The following EDEM1 variants were observed in gnomAD, a reference collection of about 807,000 sequenced individuals.
EDEM1 encodes ER degradation enhancing alpha-mannosidase like protein 1, also known as ER degradation-enhancing alpha-mannosidase-like protein 1.
A neutral mutation model predicts 74.4 loss-of-function variants in EDEM1; 67 were observed. The ratio of observed to expected loss-of-function variants is 0.90; its 90% CI spans 0.74 to 1.10. EDEM1 has a LOEUF of 1.10. Ranked by LOEUF, EDEM1 falls within the 50% of genes least tolerant of loss-of-function variation. EDEM1 has a pLI of 0.00. For synonymous variants in EDEM1, 382 were observed against 335.9 expected (o/e 1.14, Z -1.50); for missense variants, 926 against 851.6 (o/e 1.09, Z -1.09).
chr3:5,198,302 G>T (rs1439649083), intron 2 of EDEM1, among the ~76,000 whole-genome samples: 2 of 152,178 alleles, frequency 1.3e-5, no homozygotes, highest in Non-Finnish European at 2.9e-5. Flanking sequence ...GCTCGCTTTG[G>T]CCTCCCTAAG....
intron 4 of EDEM1, among the ~76,000 whole-genome samples, chr3:5,202,347 C>G (rs1449271058): frequency 6.6e-6 from 1 of 152,200 alleles, no homozygotes; most frequent in African/African-American, 2.4e-5. Flanking sequence ...TCACGTGGAT[C>G]TTTCAAATAA....
intron 1 of EDEM1, among the ~76,000 whole-genome samples, chr3:5,190,343 T>G (rs1022952960): frequency 6.6e-6 from 1 of 152,264 alleles, no homozygotes; most frequent in African/African-American, 2.4e-5. Context: ...TGGACTGAAG[T>G]TGAAAACAGT....
intron 3 of EDEM1, 35 bp downstream of exon 3, chr3:5,199,730 ACTT>A (rs910852484): frequency 1.3e-6 from 2 of 1,559,788 alleles, no homozygotes; most frequent in Non-Finnish European, 1.7e-6. Context: ...TGAATTGGAG[ACTT>A]CTTTTTATGT....
chr3:5,208,352 A>C, intron 8 of EDEM1, 89 bp downstream of exon 8: 1 of 1,484,142 alleles, frequency 6.7e-7, no homozygotes, highest in Non-Finnish European at 9.1e-7. Context: ...TGAGTGATTT[A>C]GGGTTATGTT....
In EDEM1 at chr3:5,203,050, A is replaced by G; in HGVS notation, c.943A>G (p.Ile315Val). Residue 315 changes from isoleucine (I) to valine (V), a missense_variant, in exon 5 of 12, where the codon ATT becomes GTT. By Grantham distance (29) the Ile-to-Val change is conservative. Coordinates refer to ENST00000256497, the MANE Select transcript of EDEM1 (RefSeq NM_014674.3). ...GAGSLLVEFG[I>V]LSRLLGDSTF... ...CGGTTCCCTCCTGGTGGAATTTGGG[A>G]TTCTGAGTCGACTCCTGGGGGACTC... 1 of 1,613,956 alleles carries G rather than the reference A, an allele frequency of 6.2e-7. No homozygotes were observed. Among genetic ancestry groups the G allele is most frequent in the Non-Finnish European group, 8.5e-7 (1 of 1,179,938 alleles).
intron 10 of EDEM1, 49 bp from the exon 11 acceptor site, chr3:5,213,270 C>T: frequency 6.4e-7 from 1 of 1,556,406 alleles, no homozygotes; most frequent in Non-Finnish European, 8.8e-7. Context: ...TGATTCAGTT[C>T]CCAGTGTGCT....
In EDEM1 at chr3:5,198,662, CTTTTTTTTTTTTT is replaced by C. The variant is rs57260414; in HGVS notation, c.583-920_583-908del. Reference sequence around the variant, plus strand: ...GGTAAATTGTAAGGGACGTATATAGCTTTTTTTTTTTTTTTTTTTTTTGAATCTTTGTAGCTAT... The same window carrying C: ...GGTAAATTGTAAGGGACGTATATAGCTTTTTTTTTGAATCTTTGTAGCTAT... On this transcript the variant is annotated intron_variant, in intron 2 of 11. Transcript: ENST00000256497. Among the ~76,000 whole-genome samples, 3 of 75,160 alleles carry C rather than the reference CTTTTTTTTTTTTT, an allele frequency of 4.0e-5. 1 individual carries two copies. Among genetic ancestry groups the C allele is most frequent in the East Asian group, 8.8e-4 (2 of 2,262 alleles). The allele number at this position is 75,160 out of a possible 152,430, so 49.3% of individuals were successfully genotyped here.
Position 5,216,140 on chromosome 3 carries a change from G to A in EDEM1, c.*222G>A, listed in dbSNP as rs1341504965. Reference sequence around the variant, plus strand: ...TTAAGGATATAATTTGAAGTGAGAAGATACATGGAAATTGCCCTCTTATGA... The same window carrying A: ...TTAAGGATATAATTTGAAGTGAGAAAATACATGGAAATTGCCCTCTTATGA... On this transcript the variant is annotated 3_prime_UTR_variant, in exon 12 of 12. Transcript: ENST00000256497. 1.9e-6 allele frequency: 1 copy of A among 527,878 alleles called. No homozygotes were observed. The highest frequency in any genetic ancestry group is 2.0e-5 in the African/African-American group (1 of 50,566). The allele number at this position is 527,878 out of a possible 1,614,324, so 32.7% of individuals were successfully genotyped here.
At chr3:5,211,792 G>C (rs962696305) in intron 10 of EDEM1, among the ~76,000 whole-genome samples, 1 of 152,170 alleles carries the variant, frequency 6.6e-6, no homozygotes, top group South Asian at 2.1e-4. Context: ...CAGAGGTCAG[G>C]CGACTTGCTC....
At position 5,188,144 on chromosome 3, in the gene EDEM1, G is replaced by C. The variant is rs757211208; in HGVS notation, c.339G>C (p.Glu113Asp). 10 of 1,536,668 alleles carry C rather than the reference G, an allele frequency of 6.5e-6. No homozygotes were observed. The highest frequency in any genetic ancestry group is 8.8e-6 in the Non-Finnish European group (10 of 1,141,804). The change falls in exon 1 of 12, where the codon GAG becomes GAC. Residue 113 changes from glutamate to aspartate, a missense_variant. Glu to Asp is a conservative substitution (Grantham distance 45). Transcript: ENST00000256497. ...GCGGCCGGGGCCGCGGCCCGGACGA[G>C]TACGAGAAGCGCTACAGCGGCGCCT... ...VLGGRGRGPD[E>D]YEKRYSGAFP...
In EDEM1 at chr3:5,217,456, T is replaced by G. The variant is rs2055253434; in HGVS notation, c.*1538T>G. On this transcript the variant is annotated 3_prime_UTR_variant, in exon 12 of 12. Coordinates refer to ENST00000256497, the MANE Select transcript of EDEM1 (RefSeq NM_014674.3). ...GATTTCATGTACATCTTTTCAAAGC[T>G]AGAAATAAGCACTGTCTAAGTTTAT... is the stretch of plus-strand genomic sequence containing the variant. The G allele has an allele frequency of 6.5e-6, 1 of 152,760 alleles. No homozygotes were observed. The highest frequency in any genetic ancestry group is 2.1e-4 in the South Asian group (1 of 4,828). The allele number at this position is 152,760 out of a possible 1,614,324, so 9.5% of individuals were successfully genotyped here. A position where few individuals can be genotyped will look rare whatever the true frequency, so the allele number is the denominator to read the frequency against.
In EDEM1 at chr3:5,214,869, G is replaced by A. The variant is rs1232210421; in HGVS notation, c.1885-960G>A. Among the ~76,000 whole-genome samples, 3 of 152,306 alleles carry A rather than the reference G, an allele frequency of 2.0e-5. No individual in the cohort carries two copies. The East Asian group carries it at 5.8e-4, about 29-fold the overall frequency. Reference sequence around the variant, plus strand: ...GGCTCCCGGTTCTGGATAGGAGCATGGCCTAGTGGGGAATCCACTTCCATC... The same window carrying A: ...GGCTCCCGGTTCTGGATAGGAGCATAGCCTAGTGGGGAATCCACTTCCATC... On this transcript the variant is annotated intron_variant, in intron 11 of 11. Transcript: ENST00000256497.
chr3:5,210,143 T>C, intron 8 of EDEM1, 32 bp from the exon 9 acceptor site: 1 of 1,592,676 alleles, frequency 6.3e-7, no homozygotes, highest in Non-Finnish European at 8.6e-7. Flanking sequence ...TCCAAGCCCA[T>C]GCTGGATCAC....
chr3:5,188,083 G>A lies in EDEM1; in HGVS notation c.278G>A (p.Gly93Glu), dbSNP rs1430007185. 2 of 1,491,098 alleles carry A rather than the reference G, an allele frequency of 1.3e-6. No individual in the cohort carries two copies. The highest frequency in any genetic ancestry group is 1.5e-5 in the African/African-American group (1 of 68,364). 92.4% of individuals were successfully genotyped at this position (1,491,098 alleles called of 1,614,324 possible). ...AAGGCTCCGCGGCGTCCTGGGCCGG[G>A]GATGTGCGGCCCAGCCAACTGGGGC... The part of the protein sequence containing the change: ...PRKAPRRPGP[G>E]MCGPANWGYV... Residue 93 changes from glycine (G) to glutamate (E), a missense_variant, in exon 1 of 12, where the codon GGG becomes GAG. Transcript: ENST00000256497.
chr3:5,214,448 A>C lies in EDEM1; in HGVS notation c.1884+926A>C, dbSNP rs146275486. Among the ~76,000 whole-genome samples, 410 of 151,916 alleles carry C rather than the reference A, an allele frequency of 2.7e-3. 2 individuals carry two copies. Among genetic ancestry groups the C allele is most frequent in the African/African-American group, 9.6e-3 (396 of 41,396 alleles). On this transcript the variant is annotated intron_variant, in intron 11 of 11. Transcript: ENST00000256497. ...TAAATCGATAGGCCAGAGTGTAGAT[A>C]ACCACCCCCGCCCCCATTTCCATCA...
chr3:5,207,171 A>G lies in EDEM1; in HGVS notation c.1236A>G (p.Glu412=), dbSNP rs143679975. ...YLRRGREACN[E]GEGDPPLYVN... is the part of the protein sequence containing the mutation. ...TTTGCAGGCGGGAAGCCTGCAATGA[A>G]GGAGAAGGAGACCCTCCACTCTATG... Residue 412 remains glutamate, a synonymous_variant, in exon 7 of 12, where the codon GAA becomes GAG. Transcript: ENST00000256497. The G allele has an allele frequency of 8.7e-6, 14 of 1,613,998 alleles. No homozygotes were observed. The highest frequency in any genetic ancestry group is 1.7e-5 in the Admixed American group (1 of 60,004).
intron 1 of EDEM1, among the ~76,000 whole-genome samples, chr3:5,190,682 G>C (rs2054891367): frequency 6.6e-6 from 1 of 152,160 alleles, no homozygotes; most frequent in Non-Finnish European, 1.5e-5. Context: ...TGAGGAGGTG[G>C]GGATGGCATT....
At chr3:5,192,676 T>C (rs1312404151) in intron 1 of EDEM1, among the ~76,000 whole-genome samples, 1 of 152,184 alleles carries the variant, frequency 6.6e-6, no homozygotes, top group Non-Finnish European at 1.5e-5. Flanking sequence ...AGCTGCATAG[T>C]GGGCTGGCAT....
chr3:5,195,898 A>G (rs1312762728), intron 2 of EDEM1, among the ~76,000 whole-genome samples: 1 of 152,230 alleles, frequency 6.6e-6, no homozygotes, highest in Non-Finnish European at 1.5e-5. Flanking sequence ...GCAGTGTGGC[A>G]CTCAGTACAT....
Sources: allele counts gnomAD v4.1 joint callset (sites outside exome capture counted in the v4.1 genomes callset), GRCh38; gene constraint gnomAD v4.1.1; transcripts MANE v1.5; gene names NCBI Gene and HGNC (gene_info 2026-07-23, HGNC 2026-07-21).